Variants in FNBP1 observed in about 807,000 individuals in gnomAD.
FNBP1 encodes formin-binding protein 1.
In FNBP1, 26 loss-of-function variants were observed where a neutral mutation model predicts 90.6. The observed-to-expected ratio is 0.29, with a 90% confidence interval of 0.21 to 0.40. The LOEUF (loss-of-function observed/expected upper bound fraction) is 0.40, where lower values mean the gene tolerates loss of function less well. Ranked by LOEUF, FNBP1 falls within the 10% of genes least tolerant of loss-of-function variation. The probability of loss-of-function intolerance (pLI) is 1.00; values close to 1 mark genes in which losing one functional copy is unlikely to be tolerated. For missense variants in FNBP1, 635 were observed against 768.0 expected, an observed-to-expected ratio of 0.83 and a Z score of 2.05; for synonymous variants, 260 against 265.2, an observed-to-expected ratio of 0.98 and a Z score of 0.19.
intron 6 of FNBP1, among the ~76,000 whole-genome samples, chr9:129,956,577 G>A (rs1440759703): frequency 6.6e-6 from 1 of 152,186 alleles, no homozygotes; most frequent in Non-Finnish European, 1.5e-5. Flanking sequence ...AAGCTTTTGA[G>A]AGGACTGAAA....
intron 1 of FNBP1, among the ~76,000 whole-genome samples, chr9:130,019,386 AAACT>A (rs1274648819): frequency 6.6e-6 from 1 of 151,920 alleles, no homozygotes; most frequent in Non-Finnish European, 1.5e-5. Flanking sequence ...TTTTTGGATT[AAACT>A]AACAATTAGA....
intron 16 of FNBP1, among the ~76,000 whole-genome samples, chr9:129,893,626 A>AAAAAAAAAAAAAAAC (rs2035339822): frequency 7.5e-6 from 1 of 133,648 alleles, no homozygotes; most frequent in Non-Finnish European, 1.6e-5. Context: ...AAAAAAAAAA[A>AAAAAAAAAAAAAAAC]AAAAAAAAAA....
rs1361585048 is a variant in FNBP1, at chr9:129,929,577, T to C, written c.632A>G (p.Asn211Ser). The change falls in exon 7 of 17, where the codon AAC (asparagine) becomes AGC (serine). Residue 211 changes from asparagine (N) to serine (S), a missense_variant. Coordinates refer to ENST00000446176, the MANE Select transcript of FNBP1 (RefSeq NM_015033.3). ...ATGTTCAGGACTTACCTGGAAGATG[T>C]TGGGGATGTGAGTATGGTAATATTC... ...QHEYYHTHIP[N>S]IFQKIQEMEE... The C allele has an allele frequency of 2.5e-6, 4 of 1,613,618 alleles. No homozygotes were observed. Among genetic ancestry groups the C allele is most frequent in the Admixed American group, 1.7e-5 (1 of 59,996 alleles).
rs569643532 is a variant in FNBP1 at position 129,931,711 on chromosome 9, T to C, written c.514-2016A>G. On this transcript the variant is annotated intron_variant, in intron 6 of 16. Coordinates refer to ENST00000446176, the MANE Select transcript of FNBP1 (RefSeq NM_015033.3). ...TACTTGGGAGACTGAGGTGGGAGGA[T>C]TGCTTGAGCTCAGGAGGTCAAGTAT... is the stretch of plus-strand genomic sequence containing the variant. 4.6e-5 allele frequency among the ~76,000 whole-genome samples: 7 copies of C among 152,068 alleles called. No homozygotes were observed. In the South Asian group the frequency reaches 1.0e-3, roughly 22 times the overall value.
intron 15 of FNBP1, among the ~76,000 whole-genome samples, chr9:129,897,588 T>TTTTA (rs978352167): frequency 3.3e-5 from 5 of 152,224 alleles, no homozygotes; most frequent in East Asian, 3.9e-4. Context: ...TTTTTCGTAA[T>TTTTA]TTTATTTATT....
the FNBP1 span, among the ~76,000 whole-genome samples, chr9:130,052,230 C>T: frequency 6.6e-6 from 1 of 152,152 alleles, no homozygotes. Context: ...AAGATATCCT[C>T]TTAAACCCCT....
chr9:129,957,964 AC>A lies in FNBP1; in HGVS notation c.409-501del. Among the ~76,000 whole-genome samples, 1 of 152,296 alleles carries A rather than the reference AC, an allele frequency of 6.6e-6. No homozygotes were observed. The highest frequency in any genetic ancestry group is 2.1e-4 in the South Asian group (1 of 4,832). ...GTCTAATCTTTATTATTTCCACGTG[AC>A]TTTTAGAAAAATACTCAACTTGAGC... On this transcript the variant is annotated intron_variant, in intron 5 of 16. Coordinates refer to ENST00000446176, the MANE Select transcript of FNBP1 (RefSeq NM_015033.3). This position sits in a 1 kb window ranked among gnomAD's most constrained non-coding sequence, Gnocchi z 4.3.
chr9:129,996,087 C>T (rs532376622), intron 1 of FNBP1, among the ~76,000 whole-genome samples: 11 of 152,162 alleles, frequency 7.2e-5, no homozygotes, highest in Middle Eastern at 3.4e-3. Flanking sequence ...TTCTGCTTCC[C>T]GGAATTAAAC....
At chr9:129,969,086 A>G (rs1172452642) in intron 4 of FNBP1, among the ~76,000 whole-genome samples, 1 of 152,216 alleles carries the variant, frequency 6.6e-6, no homozygotes, top group African/African-American at 2.4e-5. Flanking sequence ...CAATGTTCAA[A>G]AGTTGCTGAT....
Position 129,994,848 on chromosome 9 carries a change from T to C in FNBP1, c.135A>G (p.Gln45=), listed in dbSNP as rs370931974. 198 of 1,527,830 alleles carry C rather than the reference T, an allele frequency of 1.3e-4. No individual in the cohort carries two copies. In the African/African-American group the frequency reaches 2.4e-3, roughly 18 times the overall value. The allele number at this position is 1,527,830 out of a possible 1,614,324, so 94.6% of individuals were successfully genotyped here. ...RTEIELSYAK[Q]LRNLSKKYQP... Reference sequence around the variant, plus strand: ...CTTTTTCAATATCAACTTACCTGAGTTGCTTTGCATAGCTGAGTTCAATCT... The same window carrying C: ...CTTTTTCAATATCAACTTACCTGAGCTGCTTTGCATAGCTGAGTTCAATCT... The change falls in exon 2 of 17, where the codon CAA becomes CAG. Residue 45 remains glutamine (Q), a synonymous_variant. Coordinates refer to ENST00000446176, the MANE Select transcript of FNBP1 (RefSeq NM_015033.3).
At chr9:129,943,720 C>T (rs1057399234) in intron 6 of FNBP1, among the ~76,000 whole-genome samples, 1 of 149,786 alleles carries the variant, frequency 6.7e-6, no homozygotes, top group Non-Finnish European at 1.5e-5. Flanking sequence ...TGGTCGGGCA[C>T]GGTAGCTGAC....
At chr9:129,941,380 C>T (rs140534253) in intron 6 of FNBP1, among the ~76,000 whole-genome samples, 5,240 of 152,136 alleles carry the variant, frequency 0.034, 94 homozygotes, top group South Asian at 0.07. Context: ...CAGAGCGAGA[C>T]GCCATCTTAA....
rs573322281 is a variant in FNBP1 at position 130,020,519 on chromosome 9, AT to A, written c.24+22432del. On this transcript the variant is annotated intron_variant, in intron 1 of 16. Transcript: ENST00000446176. ...GCCAGCGTGCCCAGCTTATTAGGCA[AT>A]TTTTTTTCTTTTTGTTTTACTAAGT... is the stretch of plus-strand genomic sequence containing the variant. 2.6e-5 allele frequency among the ~76,000 whole-genome samples: 4 copies of A among 151,996 alleles called. No homozygotes were observed. The East Asian group carries it at 5.8e-4, about 22-fold the overall frequency.
At chr9:129,930,109 G>A (rs369951682) in intron 6 of FNBP1, among the ~76,000 whole-genome samples, 2 of 149,894 alleles carry the variant, frequency 1.3e-5, no homozygotes, top group East Asian at 3.9e-4. Context: ...CACCCAGGCT[G>A]GAGTGCAGTG....
chr9:130,051,498 C>T, the FNBP1 span, among the ~76,000 whole-genome samples: 1 of 152,146 alleles, frequency 6.6e-6, no homozygotes, highest in African/African-American at 2.4e-5. Flanking sequence ...ATTCTAGTAG[C>T]AACCTTAAGC....
chr9:129,897,809 A>G (rs1466321595), intron 15 of FNBP1, among the ~76,000 whole-genome samples: 1 of 151,940 alleles, frequency 6.6e-6, no homozygotes, highest in African/African-American at 2.4e-5. Context: ...TCATTGGTTT[A>G]GAAACACTAA....
chr9:129,925,896 CT>C (rs2041834601), intron 8 of FNBP1, among the ~76,000 whole-genome samples: 1 of 151,852 alleles, frequency 6.6e-6, no homozygotes, highest in Non-Finnish European at 1.5e-5. Context: ...AGCTGGCCAG[CT>C]TTTTTCATTC....
intron 6 of FNBP1, among the ~76,000 whole-genome samples, chr9:129,938,255 T>C (rs1184371462): frequency 2.0e-5 from 3 of 152,214 alleles, no homozygotes; most frequent in Non-Finnish European, 2.9e-5. Context: ...AAAAGCTCTT[T>C]GTCCAGAGCA....
At chr9:129,961,686 G>A (rs1469642408) in intron 4 of FNBP1, among the ~76,000 whole-genome samples, 2 of 152,072 alleles carry the variant, frequency 1.3e-5, no homozygotes, top group Non-Finnish European at 2.9e-5. Flanking sequence ...CCGGGTTCAA[G>A]TGATTCTCCT....
Sources: gnomAD v4.1 joint callset for allele counts (sites outside exome capture counted in the v4.1 genomes callset) on GRCh38, gnomAD v4.1.1 for gene constraint, Gnocchi (gnomAD v3.1) non-coding constraint, MANE v1.5 for transcripts, NCBI Gene and HGNC (gene_info 2026-07-23, HGNC 2026-07-21) for gene names.